Variants in SLCO6A1 observed in about 807,000 individuals in gnomAD.
SLCO6A1 encodes the protein solute carrier organic anion transporter family member 6A1.
In SLCO6A1, 65 loss-of-function variants were observed where a neutral mutation model predicts 72.7. The observed-to-expected ratio is 0.89, with a 90% CI of 0.73 to 1.10. The LOEUF is 1.10. SLCO6A1 is among the 50% of genes least tolerant of loss of function. The pLI is 0.00. For synonymous variants in SLCO6A1, 314 were observed against 298.2 expected, an observed-to-expected ratio of 1.05 and a Z score of -0.55; for missense variants, 874 against 872.6, an observed-to-expected ratio of 1.00 and a Z score of -0.02.
chr5:102,460,398 C>A (rs571876824), intron 4 of SLCO6A1, among the ~76,000 whole-genome samples: 4 of 152,216 alleles, frequency 2.6e-5, no homozygotes, highest in African/African-American at 7.2e-5. Context: ...TAAAGCCTTG[C>A]AGTGGGGAAG....
intron 6 of SLCO6A1, among the ~76,000 whole-genome samples, chr5:102,444,937 G>A (rs1561466917): frequency 6.6e-6 from 1 of 152,118 alleles, no homozygotes; most frequent in Non-Finnish European, 1.5e-5. Context: ...ATTCCATGGT[G>A]TATATATACT....
chr5:102,398,693 C>T (rs887062279), intron 10 of SLCO6A1, among the ~76,000 whole-genome samples: 1 of 152,082 alleles, frequency 6.6e-6, no homozygotes, highest in Non-Finnish European at 1.5e-5. Context: ...TGGGCCCTTA[C>T]CTAGCTCAAA....
chr5:102,374,325 G>A (rs1745657841), intron 12 of SLCO6A1, among the ~76,000 whole-genome samples: 1 of 152,012 alleles, frequency 6.6e-6, no homozygotes, highest in African/African-American at 2.4e-5. Flanking sequence ...TCTTTTTCTT[G>A]AAACAGGACC....
chr5:102,373,074 T>C (rs7736753), intron 13 of SLCO6A1, among the ~76,000 whole-genome samples: 97,492 of 151,002 alleles, frequency 0.65, 31,651 homozygotes, highest in African/African-American at 0.66. Context: ...TCACGTCAGT[T>C]AAAATTAACC....
chr5:102,425,773 AAACTTCATATGG>A (rs1241748629), intron 7 of SLCO6A1, among the ~76,000 whole-genome samples: 9 of 152,158 alleles, frequency 5.9e-5, no homozygotes, highest in African/African-American at 2.2e-4. Flanking sequence ...AAACTACTTT[AAACTTCATATGG>A]AACCAAAAAG....
intron 3 of SLCO6A1, 136 bp from the exon 4 acceptor site, chr5:102,475,929 A>AAAATC (rs1451223761): frequency 1.2e-5 from 6 of 496,904 alleles, no homozygotes; most frequent in African/African-American, 2.0e-5. Flanking sequence ...CCAGAGAAAC[A>AAAATC]AAATCAATAA....
Position 102,405,445 on chromosome 5 carries a change from T to C in SLCO6A1, c.1627-5703A>G, listed in dbSNP as rs146647080. ...AATAGCTAGATAAAACAATATATAT[T>C]ATATACAAGTAAATCAATTATTTGA... On this transcript the variant is annotated intron_variant, in intron 9 of 13. Transcript: ENST00000506729. 2.5e-4 allele frequency among the ~76,000 whole-genome samples: 38 copies of C among 151,982 alleles called. No homozygotes were observed. The East Asian group carries it at 7.0e-3, about 28-fold the overall frequency.
intron 6 of SLCO6A1, among the ~76,000 whole-genome samples, chr5:102,443,679 G>A (rs1317654022): frequency 6.6e-6 from 1 of 152,188 alleles, no homozygotes; most frequent in Non-Finnish European, 1.5e-5. Context: ...TATTCTGAAA[G>A]GGACTGTGAG....
intron 6 of SLCO6A1, among the ~76,000 whole-genome samples, chr5:102,441,947 G>A (rs1203548354): frequency 6.6e-6 from 1 of 151,508 alleles, no homozygotes; most frequent in African/African-American, 2.4e-5. Context: ...GAGAATTACA[G>A]CTTTTTTCAT....
At chr5:102,436,219 T>C (rs1749528848) in intron 7 of SLCO6A1, among the ~76,000 whole-genome samples, 1 of 152,314 alleles carries the variant, frequency 6.6e-6, no homozygotes, top group South Asian at 2.1e-4. Flanking sequence ...TTTAGTGTGA[T>C]TCCCATTACC....
At position 102,373,405 on chromosome 5, in the gene SLCO6A1, C is replaced by G; in HGVS notation, c.2107G>C (p.Asp703His). The change falls in exon 13 of 14, where the codon GAT becomes CAT. Residue 703 changes from aspartate to histidine, a missense_variant. Coordinates refer to ENST00000506729, the MANE Select transcript of SLCO6A1 (RefSeq NM_173488.5). ...ACTTTTGGATTCTTCACAGTTACATCTGGGAAGTCAGTGTTCTCATTTAGA... is the reference window on the plus strand; with the variant it reads ...ACTTTTGGATTCTTCACAGTTACATGTGGGAAGTCAGTGTTCTCATTTAGA... Reference protein sequence around the residue: ...RRLNENTDFPDVTVKNPKVKK... With the variant: ...RRLNENTDFPHVTVKNPKVKK... 6.3e-7 allele frequency: 1 copy of G among 1,584,418 alleles called. No individual in the cohort carries two copies. Among genetic ancestry groups the G allele is most frequent in the Non-Finnish European group, 8.6e-7 (1 of 1,167,676 alleles).
intron 9 of SLCO6A1, among the ~76,000 whole-genome samples, chr5:102,407,310 G>T (rs1427793611): frequency 2.6e-5 from 4 of 152,122 alleles, no homozygotes; most frequent in Non-Finnish European, 5.9e-5. Context: ...AATGAAAGTG[G>T]ATATAAATAT....
At chr5:102,475,668 A>T in intron 4 of SLCO6A1, 29 bp downstream of exon 4, 1 of 1,500,058 alleles carries the variant, frequency 6.7e-7, no homozygotes, top group Non-Finnish European at 9.1e-7. Flanking sequence ...TATACAATGT[A>T]AACAAAAAAA....
chr5:102,392,772 A>T (rs1198094081), intron 10 of SLCO6A1, among the ~76,000 whole-genome samples: 1 of 152,066 alleles, frequency 6.6e-6, no homozygotes, highest in Non-Finnish European at 1.5e-5. Context: ...ACAAAAAAAA[A>T]ACTTGTCAAT....
intron 13 of SLCO6A1, among the ~76,000 whole-genome samples, chr5:102,373,061 C>A (rs1750710656): frequency 6.6e-6 from 1 of 151,764 alleles, no homozygotes; most frequent in Non-Finnish European, 1.5e-5. Flanking sequence ...AACTAATGGG[C>A]TATCACGTCA....
chr5:102,458,712 C>G (rs971109625), intron 5 of SLCO6A1, among the ~76,000 whole-genome samples: 1 of 152,042 alleles, frequency 6.6e-6, no homozygotes, highest in Non-Finnish European at 1.5e-5. Context: ...CCATATCTGC[C>G]CAGTCCAATA....
chr5:102,405,771 T>G (rs1384805429), intron 9 of SLCO6A1, among the ~76,000 whole-genome samples: 1 of 152,104 alleles, frequency 6.6e-6, no homozygotes, highest in Non-Finnish European at 1.5e-5. Context: ...AATATAAGAC[T>G]ACATTATTTT....
intron 1 of SLCO6A1, 129 bp from the exon 2 acceptor site, chr5:102,480,563 T>C (rs534268003): frequency 3.8e-5 from 35 of 911,634 alleles, no homozygotes; most frequent in East Asian, 3.7e-4. Flanking sequence ...TTAAAAGCTA[T>C]AAGCAAGTAA....
intron 6 of SLCO6A1, among the ~76,000 whole-genome samples, chr5:102,439,427 C>G (rs984054286): frequency 4.3e-4 from 65 of 152,010 alleles, no homozygotes; most frequent in African/African-American, 1.5e-3. Context: ...GCGTATCTCA[C>G]TGAAAATATA....
Sources: allele counts gnomAD v4.1 joint callset (sites outside exome capture counted in the v4.1 genomes callset), GRCh38; gene constraint gnomAD v4.1.1; transcripts MANE v1.5; gene names NCBI Gene and HGNC (gene_info 2026-07-23, HGNC 2026-07-21).